The following DLG2 variants were observed in gnomAD, a reference collection of about 807,000 sequenced individuals.
The protein encoded by DLG2 is disks large homolog 2.
DLG2 carries 45 observed loss-of-function variants against 132.5 expected under a neutral mutation model. The ratio of observed to expected loss-of-function variants is 0.34; its 90% confidence interval spans 0.27 to 0.44. The LOEUF (loss-of-function observed/expected upper bound fraction) is 0.44, where lower values mean the gene tolerates loss of function less well. DLG2 is among the 20% of genes least tolerant of loss of function. The pLI, the probability that DLG2 is intolerant of heterozygous loss-of-function variation, is 1.00. For missense variants in DLG2, 1,045 were observed against 1,196.9 expected, an observed-to-expected ratio of 0.87 and a Z score of 1.87; for synonymous variants, 424 against 419.6, an observed-to-expected ratio of 1.01 and a Z score of -0.13.
chr11:85,464,187 A>G (rs2092709043), intron 3 of DLG2, among the ~76,000 whole-genome samples: 1 of 152,162 alleles, frequency 6.6e-6, no homozygotes, highest in Non-Finnish European at 1.5e-5. Context: ...GTACTTATAC[A>G]TGTTCTTCTA....
chr11:85,581,261 G>A (rs1420756527), intron 3 of DLG2, among the ~76,000 whole-genome samples: 1 of 152,080 alleles, frequency 6.6e-6, no homozygotes, highest in Non-Finnish European at 1.5e-5. Flanking sequence ...ATCCCTGGTT[G>A]GCTCCCTTAA....
chr11:83,544,922 G>A (rs1453324385), intron 19 of DLG2, among the ~76,000 whole-genome samples: 1 of 152,098 alleles, frequency 6.6e-6, no homozygotes, highest in Non-Finnish European at 1.5e-5. Flanking sequence ...TCACGATCTA[G>A]CAGTGCCAAA....
intron 4 of DLG2, among the ~76,000 whole-genome samples, chr11:85,244,769 C>T (rs1043637990): frequency 6.6e-6 from 1 of 151,924 alleles, no homozygotes; most frequent in African/African-American, 2.4e-5. Context: ...ATTTATGTAA[C>T]AGCACTATCA....
chr11:84,203,991 C>G (rs2154301646), intron 8 of DLG2, among the ~76,000 whole-genome samples: 1 of 152,270 alleles, frequency 6.6e-6, no homozygotes. Flanking sequence ...GAGTTTTGCT[C>G]TTGTTGCCCA....
intron 6 of DLG2, among the ~76,000 whole-genome samples, chr11:85,090,458 C>T (rs1014258918): frequency 1.3e-5 from 2 of 152,184 alleles, no homozygotes; most frequent in African/African-American, 2.4e-5. Flanking sequence ...TCCCACTGGA[C>T]GTCTCTCAAT....
chr11:84,387,071 C>T (rs192138429), intron 7 of DLG2, among the ~76,000 whole-genome samples: 13 of 152,090 alleles, frequency 8.5e-5, no homozygotes, highest in African/African-American at 3.1e-4. Flanking sequence ...TTGGAACTCC[C>T]CACCACCTCT....
At chr11:85,093,162 C>T (rs1412924988) in intron 6 of DLG2, among the ~76,000 whole-genome samples, 1 of 152,164 alleles carries the variant, frequency 6.6e-6, no homozygotes, top group Non-Finnish European at 1.5e-5. Context: ...ACTTCTATAT[C>T]AGCAAGTGTT....
chr11:84,623,672 C>T (rs762836092), intron 6 of DLG2, among the ~76,000 whole-genome samples: 4 of 152,120 alleles, frequency 2.6e-5, no homozygotes, highest in Non-Finnish European at 4.4e-5. Flanking sequence ...TTAATAGTTA[C>T]TACCTCAATT....
At chr11:83,637,126 A>G (rs1274157585) in intron 18 of DLG2, among the ~76,000 whole-genome samples, 5 of 152,188 alleles carry the variant, frequency 3.3e-5, no homozygotes, top group Non-Finnish European at 7.4e-5. Flanking sequence ...CTGCTACACA[A>G]ATTGTGAAAT....
rs1418150519 is a variant in DLG2, at chr11:85,529,655, C to T, written c.40+69002G>A. On this transcript the variant is annotated intron_variant, in intron 3 of 27. Transcript: ENST00000376104. ...TTTTAATGACTCTGATCATACCCACCATTTACCTTTCCATTTCTATATTAA... is the reference window on the plus strand; with the variant it reads ...TTTTAATGACTCTGATCATACCCACTATTTACCTTTCCATTTCTATATTAA... Among the ~76,000 whole-genome samples the T allele has an allele frequency of 2.6e-5, 4 of 152,268 alleles. No individual in the cohort carries two copies. In the East Asian group the frequency reaches 7.7e-4, roughly 29 times the overall value.
At chr11:85,320,032 T>A (rs2080948944) in intron 3 of DLG2, among the ~76,000 whole-genome samples, 1 of 151,882 alleles carries the variant, frequency 6.6e-6, no homozygotes, top group African/African-American at 2.4e-5. Flanking sequence ...AAAAATTTCT[T>A]AAACCATGCT....
chr11:84,319,516 C>T (rs531389714), intron 7 of DLG2, among the ~76,000 whole-genome samples: 1 of 152,160 alleles, frequency 6.6e-6, no homozygotes, highest in Non-Finnish European at 1.5e-5. Context: ...ATTTGCCTCT[C>T]AAGTATAAGA....
At chr11:83,639,853 T>C (rs567794918) in intron 18 of DLG2, among the ~76,000 whole-genome samples, 1 of 152,160 alleles carries the variant, frequency 6.6e-6, no homozygotes, top group South Asian at 2.1e-4. Flanking sequence ...CATTTATTAC[T>C]AGTGGGGCCT....
At chr11:83,888,139 AG>A (rs1404513094) in intron 15 of DLG2, among the ~76,000 whole-genome samples, 1 of 150,658 alleles carries the variant, frequency 6.6e-6, no homozygotes, top group Non-Finnish European at 1.5e-5. Flanking sequence ...GTATTCAATT[AG>A]GAAAAGAGGA....
At chr11:84,676,085 T>A (rs2099710923) in intron 6 of DLG2, among the ~76,000 whole-genome samples, 1 of 152,096 alleles carries the variant, frequency 6.6e-6, no homozygotes, top group African/African-American at 2.4e-5. Flanking sequence ...ACAAGGGTGG[T>A]ACTATCATTC....
intron 17 of DLG2, among the ~76,000 whole-genome samples, chr11:83,810,765 T>C (rs981282378): frequency 1.3e-5 from 2 of 152,100 alleles, no homozygotes; most frequent in African/African-American, 2.4e-5. Context: ...TCTAGAAACA[T>C]TTATTTGTGA....
intron 19 of DLG2, among the ~76,000 whole-genome samples, chr11:83,564,295 T>A (rs753441583): frequency 5.3e-5 from 8 of 152,138 alleles, no homozygotes; most frequent in Admixed American, 4.6e-4. Flanking sequence ...TATTCACAAG[T>A]GTCCTAAGAT....
intron 16 of DLG2, among the ~76,000 whole-genome samples, chr11:83,871,631 A>T (rs888149756): frequency 4.8e-5 from 1 of 20,660 alleles, no homozygotes; most frequent in African/African-American, 2.2e-4. Flanking sequence ...TAACTTTCCC[A>T]CTATGTGCAC....
rs180920106 is a variant in DLG2 at position 83,943,604 on chromosome 11, C to A, written c.1341-13121G>T. 6.6e-5 allele frequency among the ~76,000 whole-genome samples: 10 copies of A among 152,306 alleles called. No individual in the cohort carries two copies. The East Asian group carries it at 1.7e-3, about 26-fold the overall frequency. On this transcript the variant is annotated intron_variant, in intron 14 of 27. Transcript: ENST00000376104. ...ATGTCTTCAGTTATGCAAATATATT[C>A]TGTTACTAACAAGATTCTACTTAAA...
Sources: allele counts gnomAD v4.1 joint callset (sites outside exome capture counted in the v4.1 genomes callset), GRCh38; gene constraint gnomAD v4.1.1; transcripts MANE v1.5; gene names NCBI Gene and HGNC (gene_info 2026-07-23, HGNC 2026-07-21).